Variants in THRB observed in about 807,000 individuals in gnomAD.
THRB encodes thyroid hormone receptor beta.
In THRB, 12 loss-of-function variants were observed where a neutral mutation model predicts 47.8. That is an observed-to-expected ratio of 0.25 (90% confidence interval 0.16 to 0.41). The LOEUF (loss-of-function observed/expected upper bound fraction) is 0.41. Among genes scored for constraint, THRB ranks in the 10% least tolerant of loss-of-function variants. The pLI, the probability that THRB is intolerant of heterozygous loss-of-function variation, is 1.00. For missense variants in THRB, 348 were observed against 589.2 expected, an observed-to-expected ratio of 0.59 and a Z score of 4.24; for synonymous variants, 218 against 212.2, an observed-to-expected ratio of 1.03 and a Z score of -0.24.
chr3:24,203,960 G>A (rs1263705886), intron 4 of THRB, among the ~76,000 whole-genome samples: 8 of 152,250 alleles, frequency 5.3e-5, no homozygotes, highest in Non-Finnish European at 1.0e-4. Flanking sequence ...GGCTGGGGGA[G>A]GGGCACCCGC....
intron 3 of THRB, among the ~76,000 whole-genome samples, chr3:24,254,814 C>T (rs2051083062): frequency 6.6e-6 from 1 of 152,204 alleles, no homozygotes; most frequent in Non-Finnish European, 1.5e-5. Context: ...TTTTTATTTT[C>T]CTATGACCAA....
rs1464752473 is a variant in THRB at position 24,121,939 on chromosome 3, T to G, written c.*945A>C. 6.6e-6 allele frequency: 1 copy of G among 152,660 alleles called. No individual in the cohort carries two copies. Among genetic ancestry groups the G allele is most frequent in the Non-Finnish European group, 1.5e-5 (1 of 68,048 alleles). The allele number at this position is 152,660 out of a possible 1,614,324, so 9.5% of individuals were successfully genotyped here. On this transcript the variant is annotated 3_prime_UTR_variant, in exon 11 of 11. Coordinates refer to ENST00000646209, the MANE Select transcript of THRB (RefSeq NM_001354712.2). Reference sequence around the variant, plus strand: ...CGTATCTTTCCTTGATTAGAATATTTGATCCATAGAGAAATCTGTTGTCAG... The same window carrying G: ...CGTATCTTTCCTTGATTAGAATATTGGATCCATAGAGAAATCTGTTGTCAG...
At chr3:24,309,583 C>T (rs190491802) in intron 2 of THRB, among the ~76,000 whole-genome samples, 14 of 152,224 alleles carry the variant, frequency 9.2e-5, no homozygotes, top group African/African-American at 2.9e-4. Flanking sequence ...ATCTTTTGAA[C>T]AAATCAATAC....
At chr3:24,352,761 T>C (rs1206604993) in intron 1 of THRB, among the ~76,000 whole-genome samples, 1 of 151,978 alleles carries the variant, frequency 6.6e-6, no homozygotes, top group Non-Finnish European at 1.5e-5. Flanking sequence ...ATACTACATA[T>C]CCATAGAAAA....
chr3:24,135,847 A>ATAT (rs371175625), intron 8 of THRB, among the ~76,000 whole-genome samples: 13 of 130,958 alleles, frequency 9.9e-5, no homozygotes, highest in South Asian at 4.7e-4. Flanking sequence ...ATATATATAT[A>ATAT]ATACATAAAT....
chr3:24,314,207 C>G (rs552423632), intron 2 of THRB, among the ~76,000 whole-genome samples: 1 of 152,332 alleles, frequency 6.6e-6, no homozygotes, highest in South Asian at 2.1e-4. Context: ...CTAGAAGAAG[C>G]AGGTCTGCAT....
At chr3:24,475,267 TG>T (rs1447764101) in intron 1 of THRB, among the ~76,000 whole-genome samples, 1 of 152,148 alleles carries the variant, frequency 6.6e-6, no homozygotes, top group African/African-American at 2.4e-5. Context: ...TATTTTATTT[TG>T]TAGAATAAAA....
intron 2 of THRB, among the ~76,000 whole-genome samples, chr3:24,334,619 A>G (rs1053708000): frequency 6.6e-6 from 1 of 152,184 alleles, no homozygotes; most frequent in Non-Finnish European, 1.5e-5. Context: ...ACAACAACCA[A>G]TTACATGCTC....
At chr3:24,336,142 T>C (rs1055958209) in intron 2 of THRB, among the ~76,000 whole-genome samples, 71 of 152,206 alleles carry the variant, frequency 4.7e-4, no homozygotes, top group African/African-American at 1.7e-3. Context: ...AAATTACAAA[T>C]AGTGTTTTTT....
chr3:24,210,192 C>G (rs780876295), intron 4 of THRB, among the ~76,000 whole-genome samples: 1 of 152,140 alleles, frequency 6.6e-6, no homozygotes, highest in African/African-American at 2.4e-5. Flanking sequence ...GAGGCCCTAT[C>G]TACAACTGCC....
At chr3:24,264,981 T>A (rs935745522) in intron 3 of THRB, among the ~76,000 whole-genome samples, 3 of 152,270 alleles carry the variant, frequency 2.0e-5, no homozygotes, top group Admixed American at 6.5e-5. Context: ...TGATAACGCA[T>A]ACTATGAAGA....
chr3:24,256,199 G>A (rs150417891), intron 3 of THRB, among the ~76,000 whole-genome samples: 148 of 152,296 alleles, frequency 9.7e-4, no homozygotes, highest in Non-Finnish European at 1.6e-3. Flanking sequence ...ACTGCTGAGA[G>A]GTCAAGGGAG....
intron 1 of THRB, among the ~76,000 whole-genome samples, chr3:24,420,770 C>T (rs1052452880): frequency 2.6e-5 from 4 of 151,854 alleles, no homozygotes; most frequent in Admixed American, 6.6e-5. Context: ...TTACTACAAC[C>T]ATTGTGGAAG....
chr3:24,287,355 T>G (rs1222651587), intron 3 of THRB, among the ~76,000 whole-genome samples: 1 of 152,188 alleles, frequency 6.6e-6, no homozygotes, highest in East Asian at 1.9e-4. Context: ...GAACCTGCAG[T>G]TGGACTGTAT....
At chr3:24,149,731 T>C (rs1041345721) in intron 6 of THRB, among the ~76,000 whole-genome samples, 3 of 152,306 alleles carry the variant, frequency 2.0e-5, no homozygotes, top group African/African-American at 7.2e-5. Flanking sequence ...AAAGCATATT[T>C]TGATGTATGA....
chr3:24,336,664 C>A (rs1292710350), intron 2 of THRB, among the ~76,000 whole-genome samples: 1 of 151,782 alleles, frequency 6.6e-6, no homozygotes, highest in African/African-American at 2.4e-5. Context: ...ATCTTTACTG[C>A]ACAGGTGCTT....
intron 1 of THRB, among the ~76,000 whole-genome samples, chr3:24,443,066 C>A (rs189580047): frequency 5.9e-5 from 9 of 151,830 alleles, no homozygotes; most frequent in Admixed American, 5.9e-4. Context: ...CCTGTAACCC[C>A]AGCTATTTGG....
At chr3:24,144,160 T>TA (rs564443509) in intron 7 of THRB, 3 of 187,820 alleles carry the variant, frequency 1.6e-5, no homozygotes, top group Non-Finnish European at 3.4e-5. Flanking sequence ...GTTATGGAAT[T>TA]AAAAAAAGAA....
At chr3:24,175,258 G>A (rs370927876) in intron 5 of THRB, among the ~76,000 whole-genome samples, 8 of 152,308 alleles carry the variant, frequency 5.3e-5, no homozygotes, top group South Asian at 2.1e-4. Flanking sequence ...TCCCAGACAC[G>A]TTTTTACTAT....
Sources: gnomAD v4.1 joint callset for allele counts (sites outside exome capture counted in the v4.1 genomes callset) on GRCh38, gnomAD v4.1.1 for gene constraint, MANE v1.5 for transcripts, NCBI Gene and HGNC (gene_info 2026-07-23, HGNC 2026-07-21) for gene names.